ST6GAL2: variants seen among roughly 807,000 people sequenced by gnomAD.
ST6GAL2 encodes the protein beta-galactoside alpha-2,6-sialyltransferase 2.
Under a neutral mutation model 37.5 loss-of-function variants are expected in ST6GAL2, and 24 were observed. The ratio of observed to expected loss-of-function variants is 0.64; its 90% CI spans 0.46 to 0.90. ST6GAL2 has a LOEUF of 0.90. Among genes scored for constraint, ST6GAL2 ranks in the 40% least tolerant of loss-of-function variants. The pLI is 0.00. For missense variants in ST6GAL2, 715 were observed against 712.7 expected (o/e 1.00, Z -0.04); for synonymous variants, 306 against 295.1 (o/e 1.04, Z -0.38).
At chr2:106,847,792 G>C (rs1445779833) in intron 1 of ST6GAL2, among the ~76,000 whole-genome samples, 3 of 152,036 alleles carry the variant, frequency 2.0e-5, no homozygotes, top group Non-Finnish European at 4.4e-5. Context: ...ATCTAGGGGG[G>C]ATGCAGTTCC....
chr2:106,851,672 T>TTC (rs1032544572), intron 1 of ST6GAL2, among the ~76,000 whole-genome samples: 3 of 8,646 alleles, frequency 3.5e-4, no homozygotes, highest in African/African-American at 4.9e-4. Flanking sequence ...TTTTCTTTCT[T>TTC]TTTTTTTTTT....
chr2:106,842,890 A>G, intron 2 of ST6GAL2, 145 bp downstream of exon 2: 1 of 516,058 alleles, frequency 1.9e-6, no homozygotes, highest in Non-Finnish European at 3.2e-6. Flanking sequence ...AAGCACCTGA[A>G]GAATCTCCAG....
At chr2:106,842,481 A>G (rs1676928222) in intron 2 of ST6GAL2, among the ~76,000 whole-genome samples, 3 of 152,184 alleles carry the variant, frequency 2.0e-5, no homozygotes, top group Admixed American at 6.5e-5. Context: ...GATGTTCCCA[A>G]CAGCAGCTGG....
intron 1 of ST6GAL2, among the ~76,000 whole-genome samples, chr2:106,875,587 C>T (rs1384082770): frequency 3.9e-5 from 6 of 152,180 alleles, no homozygotes; most frequent in South Asian, 2.1e-4. Flanking sequence ...TGATGGGGTA[C>T]GGGAAAGGCC....
rs1179408567 is a variant in ST6GAL2, at chr2:106,803,072, A to G, written c.*3606T>C. 2 of 152,242 alleles carry G rather than the reference A, an allele frequency of 1.3e-5. No individual in the cohort carries two copies. The highest frequency in any genetic ancestry group is 2.9e-5 in the Non-Finnish European group (2 of 68,058). The allele number at this position is 152,242 out of a possible 1,614,324, so 9.4% of individuals were successfully genotyped here. On this transcript the variant is annotated 3_prime_UTR_variant, in exon 6 of 6. Coordinates refer to ENST00000409382, the MANE Select transcript of ST6GAL2 (RefSeq NM_001142351.2). The stretch of plus-strand genomic sequence containing the variant: ...AGAAGAGTCAATCAGCAGCGTAAGT[A>G]TGATCTGTCCAGCAGAATTAACTGG...
chr2:106,828,177 T>C (rs72949032), intron 5 of ST6GAL2, among the ~76,000 whole-genome samples: 4,050 of 152,324 alleles, frequency 0.027, 79 homozygotes, highest in South Asian at 0.074. Context: ...CCCATGTTGA[T>C]AATAAGTGTA....
At chr2:106,812,609 A>C (rs1270659362) in intron 5 of ST6GAL2, among the ~76,000 whole-genome samples, 8 of 152,220 alleles carry the variant, frequency 5.3e-5, no homozygotes. Context: ...GCCAAGGGCC[A>C]GTCTTATAAG....
rs1195277037 is a variant in ST6GAL2 at position 106,806,616 on chromosome 2, C to T, written c.*62G>A. 1 of 1,542,458 alleles carries T rather than the reference C, an allele frequency of 6.5e-7. No homozygotes were observed. The highest frequency in any genetic ancestry group is 8.8e-7 in the Non-Finnish European group (1 of 1,133,158). ...TGTCTAAAATCTATCTTCAAGTATTCTTTTGTGACTTTGAGTACAACAGTA... is the reference window on the plus strand; with the variant it reads ...TGTCTAAAATCTATCTTCAAGTATTTTTTTGTGACTTTGAGTACAACAGTA... On this transcript the variant is annotated 3_prime_UTR_variant, in exon 6 of 6. Transcript: ENST00000409382.
intron 5 of ST6GAL2, among the ~76,000 whole-genome samples, chr2:106,812,601 C>T (rs1675650395): frequency 6.6e-6 from 1 of 152,172 alleles, no homozygotes; most frequent in Non-Finnish European, 1.5e-5. Context: ...AGACATCAGC[C>T]AAGGGCCAGT....
chr2:106,807,061 C>T, intron 5 of ST6GAL2, 112 bp from the exon 6 acceptor site: 2 of 890,214 alleles, frequency 2.2e-6, no homozygotes, highest in Non-Finnish European at 3.4e-6. Context: ...GAGACACTTA[C>T]TTTTTTGTTG....
intron 1 of ST6GAL2, among the ~76,000 whole-genome samples, chr2:106,866,106 C>A (rs1327314896): frequency 6.6e-6 from 1 of 152,178 alleles, no homozygotes; most frequent in Non-Finnish European, 1.5e-5. Flanking sequence ...AAGATGGCTT[C>A]ATTTAAACAG....
chr2:106,874,388 G>C (rs778077326), intron 1 of ST6GAL2, among the ~76,000 whole-genome samples: 1 of 152,134 alleles, frequency 6.6e-6, no homozygotes, highest in Non-Finnish European at 1.5e-5. Context: ...GGTAGTTGTG[G>C]CTAAGAGGGG....
chr2:106,837,179 A>T (rs1250386189), intron 2 of ST6GAL2, among the ~76,000 whole-genome samples: 1 of 152,184 alleles, frequency 6.6e-6, no homozygotes, highest in Non-Finnish European at 1.5e-5. Context: ...TTCAAGTTAA[A>T]ATTGTATTTC....
At position 106,835,883 on chromosome 2, in the gene ST6GAL2, T is replaced by C. The variant is rs191518202; in HGVS notation, c.944-1737A>G. ...CTTTACTTCACAATTTAAGGATTTG[T>C]TCATACTTTATTGAGGTAATGGATT... On this transcript the variant is annotated intron_variant, in intron 2 of 5. Coordinates refer to ENST00000409382, the MANE Select transcript of ST6GAL2 (RefSeq NM_001142351.2). 5.4e-3 allele frequency among the ~76,000 whole-genome samples: 822 copies of C among 152,362 alleles called. 4 individuals are homozygous for C. Among genetic ancestry groups the C allele is most frequent in the Non-Finnish European group, 8.2e-3 (557 of 68,028 alleles).
intron 1 of ST6GAL2, among the ~76,000 whole-genome samples, chr2:106,854,632 G>A (rs78904454): frequency 0.014 from 2,120 of 152,078 alleles, 55 homozygotes; most frequent in African/African-American, 0.048. Flanking sequence ...GGTTTCCCAG[G>A]AGGCACCTCT....
rs1270788069 is a variant in ST6GAL2, at chr2:106,861,615, CTT to C, written c.-57-17583_-57-17582del. ...TAAATAAAATAGATGTTCATTTATTCTTTCTTTTTTTTCTTTTTTTCTTTTTT... is the reference window on the plus strand; with the variant it reads ...TAAATAAAATAGATGTTCATTTATTCTCTTTTTTTTCTTTTTTTCTTTTTT... On this transcript the variant is annotated intron_variant, in intron 1 of 5. Transcript: ENST00000409382. Among the ~76,000 whole-genome samples the C allele has an allele frequency of 3.3e-5, 5 of 151,544 alleles. No homozygotes were observed. The East Asian group carries it at 7.7e-4, about 23-fold the overall frequency.
At chr2:106,813,690 T>C (rs1421505381) in intron 5 of ST6GAL2, among the ~76,000 whole-genome samples, 4 of 152,204 alleles carry the variant, frequency 2.6e-5, no homozygotes, top group African/African-American at 7.2e-5. Flanking sequence ...TTGATGAAAA[T>C]AGCCTTTCAT....
In ST6GAL2 at chr2:106,860,015, C is replaced by T. The variant is rs566921653; in HGVS notation, c.-57-15981G>A. Among the ~76,000 whole-genome samples the T allele has an allele frequency of 4.3e-4, 66 of 152,256 alleles. 1 individual carries two copies. Among genetic ancestry groups the T allele is most frequent in the Admixed American group, 3.9e-3 (59 of 15,296 alleles). Reference sequence around the variant, plus strand: ...GCCCCTGAGTCAGCTCACACAGCTCCTGGCCATTTGCTTGGGCCCTTCCCT... The same window carrying T: ...GCCCCTGAGTCAGCTCACACAGCTCTTGGCCATTTGCTTGGGCCCTTCCCT... On this transcript the variant is annotated intron_variant, in intron 1 of 5. Transcript: ENST00000409382.
At chr2:106,832,542 G>A in intron 4 of ST6GAL2, 23 bp downstream of exon 4, 1 of 1,329,820 alleles carries the variant, frequency 7.5e-7, no homozygotes. Flanking sequence ...CGTTGGGGTG[G>A]GCAAATCCAG....
Sources: allele counts gnomAD v4.1 joint callset (sites outside exome capture counted in the v4.1 genomes callset), GRCh38; gene constraint gnomAD v4.1.1; transcripts MANE v1.5; gene names NCBI Gene and HGNC (gene_info 2026-07-23, HGNC 2026-07-21).